The following EAF2 variants were observed in gnomAD, a reference collection of about 807,000 sequenced individuals.
EAF2 encodes ELL associated factor 2.
Under a neutral mutation model 29.4 loss-of-function variants are expected in EAF2, and 29 were observed. The observed-to-expected ratio is 0.99, with a 90% CI of 0.73 to 1.35. The LOEUF (loss-of-function observed/expected upper bound fraction) is 1.35. EAF2 is among the 40% of genes most tolerant of loss of function. The pLI is 0.00. For missense variants in EAF2, 292 were observed against 312.0 expected, an observed-to-expected ratio of 0.94 and a Z score of 0.48; for synonymous variants, 103 against 102.5, an observed-to-expected ratio of 1.00 and a Z score of -0.03.
chr3:121,873,913 G>A (rs761197828), intron 5 of EAF2, among the ~76,000 whole-genome samples: 2 of 151,698 alleles, frequency 1.3e-5, no homozygotes, highest in Non-Finnish European at 3.0e-5. Context: ...CAGACCTTTA[G>A]AATATCAGAT....
At chr3:121,870,581 C>T (rs930326576) in intron 4 of EAF2, among the ~76,000 whole-genome samples, 3 of 152,032 alleles carry the variant, frequency 2.0e-5, no homozygotes, top group African/African-American at 7.2e-5. Context: ...TCTCAAGAGA[C>T]ACCATTAATG....
intron 4 of EAF2, among the ~76,000 whole-genome samples, chr3:121,863,621 AG>A (rs1708871940): frequency 1.4e-4 from 21 of 152,172 alleles, no homozygotes; most frequent in Admixed American, 1.4e-3. Flanking sequence ...TTGCTAGGAA[AG>A]GGAATTCCCC....
chr3:121,859,278 G>T (rs774598934), intron 4 of EAF2, among the ~76,000 whole-genome samples: 1 of 152,022 alleles, frequency 6.6e-6, no homozygotes, highest in Non-Finnish European at 1.5e-5. Flanking sequence ...CCATTTTCAC[G>T]ATATTGACTC....
intron 4 of EAF2, among the ~76,000 whole-genome samples, chr3:121,861,150 A>T (rs1708822561): frequency 6.6e-6 from 1 of 152,158 alleles, no homozygotes; most frequent in Non-Finnish European, 1.5e-5. Context: ...TATTCTGTTG[A>T]TTTGGGGTGG....
At chr3:121,874,613 G>A (rs1465627672) in intron 5 of EAF2, among the ~76,000 whole-genome samples, 1 of 151,936 alleles carries the variant, frequency 6.6e-6, no homozygotes, top group Admixed American at 6.6e-5. Flanking sequence ...CTCATTGAAA[G>A]TAGAGGTCAC....
At chr3:121,877,218 C>T (rs922059690) in intron 5 of EAF2, among the ~76,000 whole-genome samples, 20 of 149,588 alleles carry the variant, frequency 1.3e-4, no homozygotes, top group South Asian at 4.2e-4. Flanking sequence ...TGTGTGTGTG[C>T]GTGTGTGTGT....
Position 121,878,235 on chromosome 3 carries a change from G to C in EAF2, c.736+5447G>C, listed in dbSNP as rs13070206. ...AAAATCTCAAATAGACAATATTAAG[G>C]AAGAAAATTAAGTTAAAATTATAAC... is the stretch of plus-strand genomic sequence containing the variant. On this transcript the variant is annotated intron_variant, in intron 5 of 5. Coordinates refer to ENST00000273668, the MANE Select transcript of EAF2 (RefSeq NM_018456.6). Among the ~76,000 whole-genome samples the C allele has an allele frequency of 5.2e-3, 789 of 151,778 alleles. 4 individuals carry two copies. The highest frequency in any genetic ancestry group is 8.7e-3 in the Admixed American group (133 of 15,226).
chr3:121,879,055 GC>G (rs1158048671), intron 5 of EAF2, among the ~76,000 whole-genome samples: 1 of 151,216 alleles, frequency 6.6e-6, no homozygotes, highest in Admixed American at 6.6e-5. Context: ...TTCAATAATA[GC>G]CATTTTAACT....
chr3:121,859,297 C>T (rs938987878), intron 4 of EAF2, among the ~76,000 whole-genome samples: 3 of 152,124 alleles, frequency 2.0e-5, no homozygotes, highest in Non-Finnish European at 4.4e-5. Context: ...TCTTCCTATC[C>T]ATGAGCATGG....
intron 2 of EAF2, among the ~76,000 whole-genome samples, chr3:121,850,684 T>A (rs1708617030): frequency 6.6e-6 from 1 of 152,112 alleles, no homozygotes; most frequent in Admixed American, 6.6e-5. Flanking sequence ...TCTCAGACAG[T>A]CTATTCTTAT....
intron 4 of EAF2, among the ~76,000 whole-genome samples, chr3:121,863,024 G>A (rs1003114037): frequency 6.6e-6 from 1 of 152,116 alleles, no homozygotes; most frequent in Non-Finnish European, 1.5e-5. Context: ...ATTGCAGAAG[G>A]GCAAATGTTG....
chr3:121,869,791 A>T (rs536205352), intron 4 of EAF2, among the ~76,000 whole-genome samples: 1 of 152,094 alleles, frequency 6.6e-6, no homozygotes, highest in Non-Finnish European at 1.5e-5. Flanking sequence ...CAGGAGGCTG[A>T]GGTGAGTGGA....
rs183660658 is a variant in EAF2 at position 121,857,268 on chromosome 3, C to A, written c.484+112C>A. The stretch of plus-strand genomic sequence containing the variant: ...CAGCACTTTAGGAGGCCGAGGCAGG[C>A]GGATCATGAGGTCAGTAGTTCAACA... On this transcript the variant is annotated intron_variant, in intron 4 of 5. Transcript: ENST00000273668. 1.2e-3 allele frequency: 1,066 copies of A among 874,188 alleles called. 1 individual carries two copies. The highest frequency in any genetic ancestry group is 1.6e-3 in the Non-Finnish European group (921 of 586,208). The allele number at this position is 874,188 out of a possible 1,614,324, so 54.2% of individuals were successfully genotyped here.
intron 3 of EAF2, 37 bp downstream of exon 3, chr3:121,854,860 T>A: frequency 5.4e-6 from 8 of 1,473,408 alleles, no homozygotes; most frequent in Non-Finnish European, 6.3e-6. Flanking sequence ...ATTATAAACA[T>A]AAATTTCTAA....
At chr3:121,846,672 A>C (rs779117249) in intron 2 of EAF2, among the ~76,000 whole-genome samples, 2 of 152,142 alleles carry the variant, frequency 1.3e-5, no homozygotes, top group Non-Finnish European at 2.9e-5. Context: ...CAGGCTATAC[A>C]GTATTATTGA....
intron 4 of EAF2, among the ~76,000 whole-genome samples, chr3:121,866,040 G>A (rs566267874): frequency 2.7e-4 from 41 of 152,266 alleles, no homozygotes; most frequent in African/African-American, 9.4e-4. Context: ...ACTTTGCTAT[G>A]AAGCACTTTC....
rs1300873559 is a variant in EAF2 at position 121,854,872 on chromosome 3, G to A, written c.338+49G>A. The A allele has an allele frequency of 3.5e-6, 5 of 1,439,296 alleles. No individual in the cohort carries two copies. In the South Asian group the frequency reaches 7.1e-5, roughly 21 times the overall value. The allele number at this position is 1,439,296 out of a possible 1,614,324, so 89.2% of individuals were successfully genotyped here. ...TATATTATAAACATAAATTTCTAAG[G>A]AAATGTCAATAAAAAATTTATTAAG... On this transcript the variant is annotated intron_variant, in intron 3 of 5. Coordinates refer to ENST00000273668, the MANE Select transcript of EAF2 (RefSeq NM_018456.6).
Position 121,872,914 on chromosome 3 carries a change from A to G in EAF2, c.736+126A>G, listed in dbSNP as rs967056267. ...TATGCATTTGATACTATTAATAATT[A>G]CATTTTTATTGAATTATGGTTTTCT... On this transcript the variant is annotated intron_variant, in intron 5 of 5. Transcript: ENST00000273668. The G allele has an allele frequency of 3.8e-6, 5 of 1,326,094 alleles. No individual in the cohort carries two copies. The East Asian group carries it at 1.3e-4, about 33-fold the overall frequency. 82.1% of individuals were successfully genotyped at this position (1,326,094 alleles called of 1,614,324 possible). A position where few individuals can be genotyped will look rare whatever the true frequency, so the allele number is the denominator to read the frequency against.
At chr3:121,884,288 T>C (rs35264348) in intron 5 of EAF2, among the ~76,000 whole-genome samples, 5,517 of 137,646 alleles carry the variant, frequency 0.04, 363 homozygotes, top group African/African-American at 0.14. Flanking sequence ...TGCAGTGAGC[T>C]GAGATAGCGC....
Sources: allele counts gnomAD v4.1 joint callset (sites outside exome capture counted in the v4.1 genomes callset), GRCh38; gene constraint gnomAD v4.1.1; transcripts MANE v1.5; gene names NCBI Gene and HGNC (gene_info 2026-07-23, HGNC 2026-07-21).